The following CTNNA1 variants were observed in gnomAD, a reference collection of about 807,000 sequenced individuals.
CTNNA1 encodes the protein catenin alpha 1.
CTNNA1 carries 37 observed loss-of-function variants against 98.4 expected under a neutral mutation model. The ratio of observed to expected loss-of-function variants is 0.38; its 90% CI spans 0.29 to 0.49. CTNNA1 has a LOEUF of 0.49. Ranked by LOEUF, CTNNA1 falls within the 20% of genes least tolerant of loss-of-function variation. The pLI, the probability that CTNNA1 is intolerant of heterozygous loss-of-function variation, is 0.95. For synonymous variants in CTNNA1, 404 were observed against 413.2 expected, an observed-to-expected ratio of 0.98 and a Z score of 0.27; for missense variants, 761 against 1,147.2, an observed-to-expected ratio of 0.66 and a Z score of 4.86.
In CTNNA1 at chr5:138,925,846, C is replaced by A. The variant is rs185519915; in HGVS notation, c.1899+439C>A. ...CCCAGGGTGTTGGGGGGAGGAGCGGCCCCAGGTGATGCTCCTAGGCTCATG... is the reference window on the plus strand; with the variant it reads ...CCCAGGGTGTTGGGGGGAGGAGCGGACCCAGGTGATGCTCCTAGGCTCATG... On this transcript the variant is annotated intron_variant, in intron 13 of 17. Coordinates refer to ENST00000302763, the MANE Select transcript of CTNNA1 (RefSeq NM_001903.5). Among the ~76,000 whole-genome samples, 292 of 152,286 alleles carry A rather than the reference C, an allele frequency of 1.9e-3. 3 individuals carry two copies. Among genetic ancestry groups the A allele is most frequent in the Non-Finnish European group, 4.1e-4 (28 of 68,008 alleles).
At chr5:138,838,620 C>T (rs1031055591) in intron 7 of CTNNA1, among the ~76,000 whole-genome samples, 19 of 151,408 alleles carry the variant, frequency 1.3e-4, no homozygotes, top group African/African-American at 4.6e-4. Context: ...TTATTTTATT[C>T]TATCTTTACT....
Position 138,874,509 on chromosome 5 carries a change from A to G in CTNNA1, c.1063-11703A>G. On this transcript the variant is annotated intron_variant, in intron 7 of 17. Transcript: ENST00000302763. This position sits in a 1 kb window ranked among gnomAD's most constrained non-coding sequence, Gnocchi z 4.1. Reference sequence around the variant, plus strand: ...ATTTTTAAAACCATACTCATTGCATATATTGCTGCCAGCATAGGGGCCCCT... The same window carrying G: ...ATTTTTAAAACCATACTCATTGCATGTATTGCTGCCAGCATAGGGGCCCCT... 3 of 1,602,098 alleles carry G rather than the reference A, an allele frequency of 1.9e-6. No homozygotes were observed. Among genetic ancestry groups the G allele is most frequent in the Non-Finnish European group, 2.6e-6 (3 of 1,172,632 alleles).
At chr5:138,906,815 C>T (rs1279279872) in intron 10 of CTNNA1, among the ~76,000 whole-genome samples, 1 of 152,190 alleles carries the variant, frequency 6.6e-6, no homozygotes, top group African/African-American at 2.4e-5. Flanking sequence ...TTCAGATTCT[C>T]ACCTGGGCTC....
chr5:138,769,515 A>G (rs1753293604), intron 1 of CTNNA1, among the ~76,000 whole-genome samples: 1 of 151,286 alleles, frequency 6.6e-6, no homozygotes, highest in Non-Finnish European at 1.5e-5. Flanking sequence ...CAGCCTCCCG[A>G]TATTTTTATT....
intron 7 of CTNNA1, among the ~76,000 whole-genome samples, chr5:138,863,658 C>G (rs1295706775): frequency 2.0e-5 from 3 of 152,354 alleles, no homozygotes; most frequent in South Asian, 4.1e-4. Context: ...CAGTTGGGTT[C>G]TTCTTGCCTG....
intron 7 of CTNNA1, among the ~76,000 whole-genome samples, chr5:138,847,639 C>T (rs1007938101): frequency 2.3e-4 from 35 of 152,172 alleles, no homozygotes; most frequent in African/African-American, 7.7e-4. Flanking sequence ...AGATGTGTTA[C>T]GGTAGAGGTG....
chr5:138,783,510 A>G lies in CTNNA1; in HGVS notation c.301+138A>G, dbSNP rs1014673362. On this transcript the variant is annotated intron_variant, in intron 3 of 17. Coordinates refer to ENST00000302763, the MANE Select transcript of CTNNA1 (RefSeq NM_001903.5). ...TAACTTACTTAGTTATTGGAGATGT[A>G]TTAAGTTGGACTGGCTCATATTTTA... 7.2e-6 allele frequency: 5 copies of G among 692,064 alleles called. No homozygotes were observed. In the Admixed American group the frequency reaches 1.2e-4, roughly 16 times the overall value. The allele number at this position is 692,064 out of a possible 1,614,324, so 42.9% of individuals were successfully genotyped here.
chr5:138,906,906 A>C (rs972445053), intron 10 of CTNNA1, among the ~76,000 whole-genome samples: 17 of 152,218 alleles, frequency 1.1e-4, no homozygotes, highest in African/African-American at 1.7e-4. Context: ...GTGTTTACAG[A>C]CATGGTCACA....
At chr5:138,864,332 A>ACATTTGTAACAT (rs1764545647) in intron 7 of CTNNA1, among the ~76,000 whole-genome samples, 1 of 152,200 alleles carries the variant, frequency 6.6e-6, no homozygotes, top group Non-Finnish European at 1.5e-5. Context: ...TATAGAAGCA[A>ACATTTGTAACAT]TTGGGAAAGT....
intron 3 of CTNNA1, among the ~76,000 whole-genome samples, chr5:138,803,284 G>C (rs1468208797): frequency 6.6e-6 from 1 of 151,878 alleles, no homozygotes; most frequent in African/African-American, 2.4e-5. Context: ...CTCCCAAGTA[G>C]CTAAGACTAT....
chr5:138,911,665 C>T (rs755279068), intron 10 of CTNNA1, among the ~76,000 whole-genome samples: 1 of 152,184 alleles, frequency 6.6e-6, no homozygotes, highest in Non-Finnish European at 1.5e-5. Flanking sequence ...TTGATTTTAG[C>T]TCTGTAAGAC....
At position 138,904,379 on chromosome 5, in the gene CTNNA1, A is replaced by T; in HGVS notation, c.1327A>T (p.Asn443Tyr). ...CAACTTGGCCTGTTCCATCTCAAATAATGAAGAAGGTGTAAAGCTTGTTCG... is the reference window on the plus strand; with the variant it reads ...CAACTTGGCCTGTTCCATCTCAAATTATGAAGAAGGTGTAAAGCTTGTTCG... Reference protein sequence around the residue: ...VANLACSISNNEEGVKLVRMS... With the variant: ...VANLACSISNYEEGVKLVRMS... Residue 443 changes from asparagine to tyrosine, a missense_variant, in exon 10 of 18, where the codon AAT becomes TAT. This residue lies in a region of CTNNA1 where 287 missense variants were observed against 436.0 expected (regional missense o/e 0.66). Transcript: ENST00000302763. The T allele has an allele frequency of 6.2e-7, 1 of 1,614,088 alleles. No individual in the cohort carries two copies. Among genetic ancestry groups the T allele is most frequent in the African/African-American group, 1.3e-5 (1 of 75,062 alleles).
chr5:138,820,966 C>G (rs1408328106), intron 5 of CTNNA1, among the ~76,000 whole-genome samples: 1 of 152,128 alleles, frequency 6.6e-6, no homozygotes. Context: ...CACCAGAGGA[C>G]AGAGATACTG....
intron 1 of CTNNA1, among the ~76,000 whole-genome samples, chr5:138,764,044 G>A (rs752915356): frequency 3.3e-5 from 5 of 152,134 alleles, no homozygotes; most frequent in Non-Finnish European, 7.3e-5. Flanking sequence ...AAATTGCAGG[G>A]CGCGGTGTCT....
intron 3 of CTNNA1, among the ~76,000 whole-genome samples, chr5:138,796,463 GA>G (rs1430690800): frequency 1.5e-4 from 23 of 151,900 alleles, no homozygotes; most frequent in African/African-American, 5.6e-4. Flanking sequence ...AGAATGGCGT[GA>G]ACCCGGGAGG....
At chr5:138,780,642 C>T (rs552875031) in intron 1 of CTNNA1, among the ~76,000 whole-genome samples, 5 of 151,982 alleles carry the variant, frequency 3.3e-5, no homozygotes, top group East Asian at 1.9e-4. Flanking sequence ...CTCAGCCTCC[C>T]GAGTAGCTGG....
intron 8 of CTNNA1, among the ~76,000 whole-genome samples, chr5:138,886,950 G>C (rs1408762224): frequency 6.6e-6 from 1 of 152,020 alleles, no homozygotes; most frequent in African/African-American, 2.4e-5. Context: ...GCTTATGTCT[G>C]ATATAAAACA....
chr5:138,879,166 G>A (rs1352751567), intron 7 of CTNNA1, among the ~76,000 whole-genome samples: 3 of 76,388 alleles, frequency 3.9e-5, no homozygotes, highest in Non-Finnish European at 7.6e-5. Context: ...GTGAGACTCC[G>A]TCTTTAAAAA....
At chr5:138,810,327 G>C (rs1450327631) in intron 4 of CTNNA1, 123 bp downstream of exon 4, 1 of 1,038,298 alleles carries the variant, frequency 9.6e-7, no homozygotes, top group East Asian at 2.5e-5. Flanking sequence ...CAATGGACCA[G>C]AGATGTTTTT....
Sources: gnomAD v4.1 joint callset for allele counts (sites outside exome capture counted in the v4.1 genomes callset) on GRCh38, gnomAD v4.1.1 for gene constraint, gnomAD v4.1.1 regional missense constraint, Gnocchi (gnomAD v3.1) non-coding constraint, MANE v1.5 for transcripts, NCBI Gene and HGNC (gene_info 2026-07-23, HGNC 2026-07-21) for gene names.